The following PLCL1 variants were observed in gnomAD, a reference collection of about 807,000 sequenced individuals.
PLCL1 encodes the protein phospholipase C like 1 (inactive), also known as inactive phospholipase C-like protein 1.
In PLCL1, 41 loss-of-function variants were observed where a neutral mutation model predicts 84.4. The observed-to-expected ratio is 0.49, with a 90% CI of 0.38 to 0.63. The LOEUF is 0.63. PLCL1 is among the 30% of genes least tolerant of loss of function. PLCL1 has a pLI of 0.00. For missense variants in PLCL1, 1,206 were observed against 1,367.8 expected, an observed-to-expected ratio of 0.88 and a Z score of 1.87; for synonymous variants, 490 against 488.3, an observed-to-expected ratio of 1.00 and a Z score of -0.05.
At chr2:197,943,627 C>CTTTTTTTTTTTTTTTTTTTTTTTTTTTT (rs5837573) in intron 1 of PLCL1, among the ~76,000 whole-genome samples, 2 of 119,208 alleles carry the variant, frequency 1.7e-5, no homozygotes, top group African/African-American at 3.2e-5. Flanking sequence ...TTGGTTACAT[C>CTTTTTTTTTTTTTTTTTTTTTTTTTTTT]TTTTTTTTTT....
At chr2:197,923,945 T>C (rs1688777549) in intron 1 of PLCL1, among the ~76,000 whole-genome samples, 1 of 151,506 alleles carries the variant, frequency 6.6e-6, no homozygotes, top group African/African-American at 2.4e-5. Context: ...CACTCGCGGT[T>C]AGGGGCTGGA....
chr2:198,133,190 G>C (rs1574336126), intron 5 of PLCL1, among the ~76,000 whole-genome samples: 2 of 151,892 alleles, frequency 1.3e-5, no homozygotes, highest in Non-Finnish European at 2.9e-5. Flanking sequence ...GGAATACTAT[G>C]CAGCCATAAA....
At chr2:198,144,221 G>A (rs976666540) in intron 5 of PLCL1, among the ~76,000 whole-genome samples, 2 of 152,130 alleles carry the variant, frequency 1.3e-5, no homozygotes, top group African/African-American at 4.8e-5. Flanking sequence ...AATTAGGAAA[G>A]TTGCCAGTTT....
chr2:198,066,601 T>G (rs1436523346), intron 1 of PLCL1, among the ~76,000 whole-genome samples: 1 of 152,226 alleles, frequency 6.6e-6, no homozygotes, highest in African/African-American at 2.4e-5. Context: ...TTTTTTCTTT[T>G]GAAAATGTAA....
chr2:197,994,799 C>T (rs1020098314), intron 1 of PLCL1, among the ~76,000 whole-genome samples: 1 of 152,072 alleles, frequency 6.6e-6, no homozygotes, highest in South Asian at 2.1e-4. Context: ...ATTGTGAAGG[C>T]CTAATTTCTG....
At chr2:198,097,547 C>A (rs918960353) in intron 3 of PLCL1, among the ~76,000 whole-genome samples, 1 of 152,106 alleles carries the variant, frequency 6.6e-6, no homozygotes, top group South Asian at 2.1e-4. Flanking sequence ...GGAGTTAAAT[C>A]GTAATGACAG....
In PLCL1 at chr2:197,844,577, TA is replaced by T. The variant is rs1294297142; in HGVS notation, c.240+39240del. On this transcript the variant is annotated intron_variant, in intron 1 of 5. Coordinates refer to ENST00000428675, the MANE Select transcript of PLCL1 (RefSeq NM_006226.4). ...ACTGAGTATAAAATGTCTAAGATTATAAGGATCTTTGTGTTATTTAACTTAT... is the reference window on the plus strand; with the variant it reads ...ACTGAGTATAAAATGTCTAAGATTATAGGATCTTTGTGTTATTTAACTTAT... Among the ~76,000 whole-genome samples, 29 of 152,264 alleles carry T rather than the reference TA, an allele frequency of 1.9e-4. 1 individual carries two copies. The East Asian group carries it at 5.6e-3, about 29-fold the overall frequency.
At chr2:197,874,527 A>T (rs1687702371) in intron 1 of PLCL1, among the ~76,000 whole-genome samples, 1 of 152,132 alleles carries the variant, frequency 6.6e-6, no homozygotes, top group African/African-American at 2.4e-5. Context: ...ACTAACCTTG[A>T]TAGATTTCTT....
rs72914797 is a variant in PLCL1, at chr2:198,148,375, A to G, written c.*1413A>G. On this transcript the variant is annotated 3_prime_UTR_variant, in exon 6 of 6. Transcript: ENST00000428675. The stretch of plus-strand genomic sequence containing the variant: ...TAACACTATTATGTTTATGTTGCAC[A>G]TTACTGAAAGAGTAAAGATATGAAA... 2,088 of 152,402 alleles carry G rather than the reference A, an allele frequency of 0.014. 22 individuals are homozygous for G. Among genetic ancestry groups the G allele is most frequent in the Non-Finnish European group, 0.022 (1,517 of 68,014 alleles). The allele number at this position is 152,402 out of a possible 1,614,324, so 9.4% of individuals were successfully genotyped here. A position where few individuals can be genotyped will look rare whatever the true frequency, so the allele number is the denominator to read the frequency against.
At chr2:197,988,749 T>C (rs1313349164) in intron 1 of PLCL1, among the ~76,000 whole-genome samples, 1 of 152,202 alleles carries the variant, frequency 6.6e-6, no homozygotes, top group Non-Finnish European at 1.5e-5. Flanking sequence ...AGTAGTGAGA[T>C]TGCTGGATCG....
intron 5 of PLCL1, among the ~76,000 whole-genome samples, chr2:198,113,430 G>C (rs1693669047): frequency 6.6e-6 from 1 of 151,894 alleles, no homozygotes; most frequent in African/African-American, 2.4e-5. Context: ...TCTGGTCTCA[G>C]AGCTGACAGT....
intron 1 of PLCL1, among the ~76,000 whole-genome samples, chr2:197,983,701 T>C (rs1218058951): frequency 6.6e-6 from 1 of 152,214 alleles, no homozygotes. Flanking sequence ...CAAAGCCTGG[T>C]GATGAGGCCT....
intron 1 of PLCL1, among the ~76,000 whole-genome samples, chr2:197,937,433 G>A (rs1689074362): frequency 6.6e-6 from 1 of 152,074 alleles, no homozygotes; most frequent in Non-Finnish European, 1.5e-5. Flanking sequence ...ATTTATTTAT[G>A]TCTTCTTCAA....
At position 198,083,890 on chromosome 2, in the gene PLCL1, C is replaced by T. The variant is rs1334903017; in HGVS notation, c.373C>T (p.Arg125Trp). ...MQAGCELKKV[R>W]PNSRIYNRFF... The stretch of plus-strand genomic sequence containing the variant: ...AGCTGGCTGTGAGTTGAAGAAAGTC[C>T]GGCCAAATTCTCGCATTTACAACCG... Residue 125 changes from arginine (R) to tryptophan (W), a missense_variant, in exon 2 of 6, where the codon CGG becomes TGG. By Grantham distance (101) the Arg-to-Trp change is moderately radical. Transcript: ENST00000428675. 8 of 1,614,104 alleles carry T rather than the reference C, an allele frequency of 5.0e-6. No individual in the cohort carries two copies. The highest frequency in any genetic ancestry group is 3.3e-5 in the Admixed American group (2 of 60,002).
At chr2:197,978,910 T>C (rs573120688) in intron 1 of PLCL1, among the ~76,000 whole-genome samples, 1 of 152,354 alleles carries the variant, frequency 6.6e-6, no homozygotes, top group Admixed American at 6.5e-5. Flanking sequence ...GGGGAGAACC[T>C]GCAACTCCAC....
At chr2:197,939,306 T>G (rs1487412777) in intron 1 of PLCL1, among the ~76,000 whole-genome samples, 1 of 152,186 alleles carries the variant, frequency 6.6e-6, no homozygotes, top group African/African-American at 2.4e-5. Flanking sequence ...TAGAATGACC[T>G]GGGAGCATTT....
rs190355142 is a variant in PLCL1 at position 197,842,056 on chromosome 2, A to C, written c.240+36717A>C. Among the ~76,000 whole-genome samples, 256 of 152,300 alleles carry C rather than the reference A, an allele frequency of 1.7e-3. 1 individual carries two copies. Among genetic ancestry groups the C allele is most frequent in the Non-Finnish European group, 3.2e-3 (219 of 68,012 alleles). On this transcript the variant is annotated intron_variant, in intron 1 of 5. Transcript: ENST00000428675. ...AAAAAATGAAGCCTTCAGTAAGTCC[A>C]GATTTGTTTGGCCTCATAGGATCTA...
intron 1 of PLCL1, among the ~76,000 whole-genome samples, chr2:198,005,389 G>T (rs993740878): frequency 5.3e-5 from 8 of 152,202 alleles, no homozygotes; most frequent in Non-Finnish European, 1.0e-4. Context: ...CTCTGTTGAT[G>T]GCAAAGGAAA....
At chr2:197,923,712 G>A (rs893698763) in intron 1 of PLCL1, among the ~76,000 whole-genome samples, 1 of 150,486 alleles carries the variant, frequency 6.6e-6, no homozygotes, top group African/African-American at 2.5e-5. Context: ...CATCCCAGAC[G>A]ATGGGCGGCC....
Sources: gnomAD v4.1 joint callset for allele counts (sites outside exome capture counted in the v4.1 genomes callset) on GRCh38, gnomAD v4.1.1 for gene constraint, MANE v1.5 for transcripts, NCBI Gene and HGNC (gene_info 2026-07-23, HGNC 2026-07-21) for gene names.